NEK11: variants seen among roughly 807,000 people sequenced by gnomAD.
NEK11 encodes NIMA related kinase 11, also known as serine/threonine-protein kinase Nek11.
Under a neutral mutation model 80.7 loss-of-function variants are expected in NEK11, and 72 were observed. The observed-to-expected ratio is 0.89, with a 90% confidence interval of 0.74 to 1.08. NEK11 has a LOEUF of 1.08. Among genes scored for constraint, NEK11 ranks in the 50% least tolerant of loss-of-function variants. NEK11 has a pLI of 0.00. For synonymous variants in NEK11, 251 were observed against 260.7 expected (o/e 0.96, Z 0.36); for missense variants, 764 against 763.6 (o/e 1.00, Z -0.01).
chr3:131,252,997 T>C (rs575157230), intron 16 of NEK11, among the ~76,000 whole-genome samples: 2 of 152,292 alleles, frequency 1.3e-5, no homozygotes, highest in Admixed American at 1.3e-4. Flanking sequence ...GATCCTGTCC[T>C]GTGTGATGGG....
intron 14 of NEK11, among the ~76,000 whole-genome samples, chr3:131,215,232 T>C (rs112253835): frequency 7.4e-6 from 1 of 134,506 alleles, no homozygotes; most frequent in East Asian, 2.3e-4. Context: ...ATGAGAACAC[T>C]TGGTCACAGG....
chr3:131,144,265 A>T (rs1215301954), intron 7 of NEK11, among the ~76,000 whole-genome samples: 1 of 152,094 alleles, frequency 6.6e-6, no homozygotes, highest in Non-Finnish European at 1.5e-5. Flanking sequence ...GCTTGTATTC[A>T]TACTCCCTCA....
chr3:131,271,743 C>T (rs759881788), intron 16 of NEK11, among the ~76,000 whole-genome samples: 4 of 149,682 alleles, frequency 2.7e-5, no homozygotes, highest in Admixed American at 2.7e-4. Flanking sequence ...TGCAGTGAGC[C>T]GAGATCTCAC....
chr3:131,335,289 C>A (rs1162495637), intron 17 of NEK11, among the ~76,000 whole-genome samples: 1 of 152,198 alleles, frequency 6.6e-6, no homozygotes, highest in Non-Finnish European at 1.5e-5. Context: ...GTGGGCTCAT[C>A]CCTGGGATGC....
intron 13 of NEK11, 68 bp from the exon 14 acceptor site, chr3:131,170,705 T>G: frequency 1.0e-6 from 1 of 958,704 alleles, no homozygotes; most frequent in Non-Finnish European, 1.7e-6. Context: ...TAAGAATATT[T>G]TTTTCATTTG....
At chr3:131,327,310 C>CTGTT (rs1426443936) in intron 17 of NEK11, 2 of 152,188 alleles carry the variant, frequency 1.3e-5, no homozygotes, top group African/African-American at 4.8e-5. Context: ...CACACAGTGG[C>CTGTT]TGTTTGCAGA....
intron 7 of NEK11, among the ~76,000 whole-genome samples, chr3:131,141,147 C>T (rs989762478): frequency 3.3e-5 from 5 of 152,008 alleles, no homozygotes; most frequent in African/African-American, 1.2e-4. Flanking sequence ...TCCTTCTTGC[C>T]CCTAGGGTGG....
chr3:131,267,820 T>C (rs747126086), intron 16 of NEK11, among the ~76,000 whole-genome samples: 3 of 152,206 alleles, frequency 2.0e-5, no homozygotes, highest in African/African-American at 7.2e-5. Flanking sequence ...AGTTGGCCTC[T>C]CTTGCTAGGT....
intron 14 of NEK11, among the ~76,000 whole-genome samples, chr3:131,190,214 G>A (rs563052952): frequency 1.3e-5 from 2 of 152,290 alleles, no homozygotes; most frequent in Admixed American, 1.3e-4. Flanking sequence ...TACTGTTCGA[G>A]CACTCACATG....
At chr3:131,092,525 G>A (rs777059709) in intron 4 of NEK11, among the ~76,000 whole-genome samples, 15 of 152,092 alleles carry the variant, frequency 9.9e-5, no homozygotes, top group African/African-American at 2.2e-4. Flanking sequence ...AGTTTCTACC[G>A]TATCAGACAT....
At chr3:131,071,719 T>A (rs186976767) in intron 3 of NEK11, among the ~76,000 whole-genome samples, 1 of 152,196 alleles carries the variant, frequency 6.6e-6, no homozygotes, top group African/African-American at 2.4e-5. Context: ...GTCCCCCAGT[T>A]TTTTTTCTCA....
At chr3:131,341,691 C>T (rs948890603) in intron 17 of NEK11, among the ~76,000 whole-genome samples, 1 of 152,128 alleles carries the variant, frequency 6.6e-6, no homozygotes, top group East Asian at 1.9e-4. Context: ...GATGCATGCT[C>T]ATTTAGAATT....
intron 7 of NEK11, among the ~76,000 whole-genome samples, chr3:131,135,970 T>G (rs1016571249): frequency 6.6e-6 from 1 of 152,174 alleles, no homozygotes; most frequent in East Asian, 1.9e-4. Context: ...TTATTTCTTT[T>G]TAAAAAATTG....
chr3:131,319,563 A>C (rs896641097), intron 17 of NEK11, among the ~76,000 whole-genome samples: 2 of 152,092 alleles, frequency 1.3e-5, no homozygotes, highest in Non-Finnish European at 2.9e-5. Context: ...CCACCTTCCA[A>C]CTAGAGTGGT....
chr3:131,274,836 G>A (rs545935004), intron 17 of NEK11, among the ~76,000 whole-genome samples: 51 of 150,970 alleles, frequency 3.4e-4, no homozygotes, highest in Admixed American at 1.1e-3. Context: ...TGTATTTTTA[G>A]TAGAGACGGG....
At chr3:131,243,541 A>T (rs2095550212) in intron 16 of NEK11, 45 bp downstream of exon 16, 3 of 1,471,196 alleles carry the variant, frequency 2.0e-6, no homozygotes, top group African/African-American at 1.4e-5. Flanking sequence ...ACAGCTACTG[A>T]TTATCTTGGA....
At chr3:131,303,921 A>G (rs1319121683) in intron 17 of NEK11, among the ~76,000 whole-genome samples, 2 of 152,120 alleles carry the variant, frequency 1.3e-5, no homozygotes, top group Non-Finnish European at 2.9e-5. Context: ...GAAAATTTTT[A>G]TAGACAATAT....
chr3:131,263,622 C>T (rs1038642045), intron 16 of NEK11, among the ~76,000 whole-genome samples: 4 of 152,142 alleles, frequency 2.6e-5, no homozygotes, highest in African/African-American at 9.7e-5. Flanking sequence ...CATTGATGGA[C>T]ATTTGGGTTG....
chr3:131,244,220 A>G (rs1393335752), intron 16 of NEK11, among the ~76,000 whole-genome samples: 1 of 152,116 alleles, frequency 6.6e-6, no homozygotes, highest in African/African-American at 2.4e-5. Flanking sequence ...CAGGTGGGCA[A>G]ACATTCACTC....
Sources: allele counts gnomAD v4.1 joint callset (sites outside exome capture counted in the v4.1 genomes callset), GRCh38; gene constraint gnomAD v4.1.1; transcripts MANE v1.5; gene names NCBI Gene and HGNC (gene_info 2026-07-23, HGNC 2026-07-21).